CNTN6: variants seen among roughly 807,000 people sequenced by gnomAD.
The protein encoded by CNTN6 is contactin 6.
CNTN6 carries 137 observed loss-of-function variants against 122.8 expected under a neutral mutation model. The ratio of observed to expected loss-of-function variants is 1.12; its 90% CI spans 0.97 to 1.29. The LOEUF is 1.29. Ranked by LOEUF, CNTN6 falls within the 50% of genes most tolerant of loss-of-function variation. The pLI, the probability that CNTN6 is intolerant of heterozygous loss-of-function variation, is 0.00. For missense variants in CNTN6, 1,634 were observed against 1,223.4 expected (o/e 1.34, Z -5.01); for synonymous variants, 570 against 426.0 (o/e 1.34, Z -4.16).
intron 12 of CNTN6, among the ~76,000 whole-genome samples, chr3:1,358,955 G>T (rs1382702505): frequency 2.6e-5 from 4 of 151,930 alleles, no homozygotes; most frequent in Admixed American, 2.0e-4. Flanking sequence ...AGCTACTTGG[G>T]AAGCTGAGAT....
At chr3:1,199,740 CAT>C (rs1190186135) in intron 2 of CNTN6, among the ~76,000 whole-genome samples, 2 of 152,158 alleles carry the variant, frequency 1.3e-5, no homozygotes, top group African/African-American at 4.8e-5. Context: ...AGAGCTCACT[CAT>C]GGCTCAAAAG....
rs1459668867 is a variant in CNTN6 at position 1,372,470 on chromosome 3, G to A, written c.1664G>A (p.Gly555Glu). Residue 555 changes from glycine to glutamate, a missense_variant, in exon 13 of 23, where the codon GGA (glycine) becomes GAA (glutamate). Gly to Glu is a moderately conservative substitution (Grantham distance 98). Transcript: ENST00000446702. ...KKGVAHFERI[G>E]GESVGDLMIR... is the part of the protein sequence containing the mutation. ...GGAGTGGCTCATTTTGAAAGGATTG[G>A]AGGAGTAAGTTACTGAAATTGTTAA... 1 of 1,602,648 alleles carries A rather than the reference G, an allele frequency of 6.2e-7. No homozygotes were observed. Among genetic ancestry groups the A allele is most frequent in the Non-Finnish European group, 8.5e-7 (1 of 1,175,818 alleles).
chr3:1,321,585 CT>C, intron 7 of CNTN6, 64 bp from the exon 8 acceptor site: 1 of 1,376,124 alleles, frequency 7.3e-7, no homozygotes, highest in South Asian at 1.5e-5. Flanking sequence ...TATGGATGCT[CT>C]TCTTTTATTT....
At position 1,245,217 on chromosome 3, in the gene CNTN6, T is replaced by TATATATATATAAC. The variant is rs1559595012; in HGVS notation, c.358+17235_358+17236insACATATATATATA. ...AATGTGATATATATATATATATATA[T>TATATATATATAAC]ATATATATATATATATATACACACA... On this transcript the variant is annotated intron_variant, in intron 4 of 22. Transcript: ENST00000446702. Among the ~76,000 whole-genome samples the TATATATATATAAC allele has an allele frequency of 7.1e-4, 17 of 23,832 alleles. 2 individuals are homozygous for TATATATATATAAC. Among genetic ancestry groups the TATATATATATAAC allele is most frequent in the Admixed American group, 8.7e-4 (2 of 2,292 alleles). The allele number at this position is 23,832 out of a possible 152,430, so 15.6% of individuals were successfully genotyped here.
intron 1 of CNTN6, among the ~76,000 whole-genome samples, chr3:1,118,092 ATATGCTCCG>A (rs2091800479): frequency 6.6e-6 from 1 of 152,196 alleles, no homozygotes; most frequent in African/African-American, 2.4e-5. Flanking sequence ...GGATTAAATT[ATATGCTCCG>A]TACTTAGTAA....
chr3:1,343,184 T>C (rs1704148196), intron 11 of CNTN6, among the ~76,000 whole-genome samples: 2 of 152,326 alleles, frequency 1.3e-5, no homozygotes, highest in Admixed American at 1.3e-4. Flanking sequence ...CATTGTATAA[T>C]GCATATAACA....
At chr3:1,176,187 G>T (rs917613448) in intron 2 of CNTN6, among the ~76,000 whole-genome samples, 2 of 152,168 alleles carry the variant, frequency 1.3e-5, no homozygotes, top group African/African-American at 4.8e-5. Context: ...GGAGGCCGGG[G>T]CGGGCGGATC....
chr3:1,176,586 G>A (rs1177210449), intron 2 of CNTN6, among the ~76,000 whole-genome samples: 1 of 152,162 alleles, frequency 6.6e-6, no homozygotes, highest in Non-Finnish European at 1.5e-5. Flanking sequence ...AAGTTTTCAG[G>A]TGAGGGAAAA....
At chr3:1,144,281 A>T (rs1283069475) in intron 1 of CNTN6, among the ~76,000 whole-genome samples, 4 of 152,146 alleles carry the variant, frequency 2.6e-5, no homozygotes, top group Non-Finnish European at 5.9e-5. Flanking sequence ...AATTTGAGAT[A>T]AACGATACAG....
At chr3:1,307,471 A>ACCCC (rs200885388) in intron 7 of CNTN6, among the ~76,000 whole-genome samples, 1 of 148,590 alleles carries the variant, frequency 6.7e-6, no homozygotes, top group African/African-American at 2.6e-5. Flanking sequence ...GTCCAATATA[A>ACCCC]CCCCCCCACA....
intron 3 of CNTN6, among the ~76,000 whole-genome samples, chr3:1,221,486 T>C (rs780326639): frequency 2.0e-5 from 3 of 152,180 alleles, no homozygotes; most frequent in Non-Finnish European, 4.4e-5. Context: ...AATACTGATT[T>C]TAGAAAAATA....
intron 4 of CNTN6, among the ~76,000 whole-genome samples, chr3:1,245,197 GAT>G (rs1217220571): frequency 0.012 from 250 of 20,188 alleles, 21 homozygotes; most frequent in East Asian, 0.029. Context: ...AAGAAAATGT[GAT>G]ATATATATAT....
intron 6 of CNTN6, among the ~76,000 whole-genome samples, chr3:1,296,273 C>G (rs2125867127): frequency 6.6e-6 from 1 of 152,012 alleles, no homozygotes; most frequent in South Asian, 2.1e-4. Context: ...AAGTTCATAT[C>G]CAAGGAAAGC....
At chr3:1,379,535 T>C (rs1381529183) in intron 17 of CNTN6, among the ~76,000 whole-genome samples, 1 of 152,118 alleles carries the variant, frequency 6.6e-6, no homozygotes, top group African/African-American at 2.4e-5. Context: ...AGTATATCCA[T>C]GCAACAAACT....
chr3:1,245,846 C>G (rs146166051), intron 4 of CNTN6, among the ~76,000 whole-genome samples: 1,814 of 151,900 alleles, frequency 0.012, 14 homozygotes, highest in Non-Finnish European at 0.017. Flanking sequence ...TTTGGCTTCC[C>G]TGGGCTACAG....
chr3:1,345,653 T>A (rs879800503), intron 11 of CNTN6, among the ~76,000 whole-genome samples: 3 of 152,190 alleles, frequency 2.0e-5, no homozygotes, highest in Admixed American at 1.3e-4. Context: ...TATTAATATT[T>A]AATCTAAAAC....
chr3:1,301,174 T>A (rs1288783010), intron 7 of CNTN6, among the ~76,000 whole-genome samples: 2 of 151,774 alleles, frequency 1.3e-5, no homozygotes, highest in African/African-American at 4.8e-5. Flanking sequence ...GTAGCTGGAA[T>A]TACAGGCACC....
At position 1,295,510 on chromosome 3, in the gene CNTN6, G is replaced by A. The variant is rs774997973; in HGVS notation, c.455-91G>A. 37 of 1,042,790 alleles carry A rather than the reference G, an allele frequency of 3.5e-5. No homozygotes were observed. The East Asian group carries it at 8.7e-4, about 25-fold the overall frequency. 64.6% of individuals were successfully genotyped at this position (1,042,790 alleles called of 1,614,324 possible). On this transcript the variant is annotated intron_variant, in intron 5 of 22. Coordinates refer to ENST00000446702, the MANE Select transcript of CNTN6 (RefSeq NM_001289080.2). ...AGAGGCACAATTTTCTCCTAATTAT[G>A]GGGAAGTAAGACAAAGAATTTTCAG...
At chr3:1,109,696 A>T (rs562096022) in intron 1 of CNTN6, among the ~76,000 whole-genome samples, 1 of 152,154 alleles carries the variant, frequency 6.6e-6, no homozygotes, top group South Asian at 2.1e-4. Flanking sequence ...TATATTTTTT[A>T]TTCTTCTATT....
Sources: gnomAD v4.1 joint callset for allele counts (sites outside exome capture counted in the v4.1 genomes callset) on GRCh38, gnomAD v4.1.1 for gene constraint, MANE v1.5 for transcripts, NCBI Gene and HGNC (gene_info 2026-07-23, HGNC 2026-07-21) for gene names.